Variants in ADGRB3 observed in about 807,000 individuals in gnomAD.
ADGRB3 encodes the protein brain-specific angiogenesis inhibitor 3.
Under a neutral mutation model 193.4 loss-of-function variants are expected in ADGRB3, and 37 were observed. The observed-to-expected ratio is 0.19, with a 90% confidence interval of 0.15 to 0.25. ADGRB3 has a LOEUF of 0.25. Ranked by LOEUF, ADGRB3 falls within the 10% of genes least tolerant of loss-of-function variation. ADGRB3 has a pLI of 1.00. For missense variants in ADGRB3, 1,637 were observed against 1,852.9 expected, an observed-to-expected ratio of 0.88 and a Z score of 2.14; for synonymous variants, 690 against 644.2, an observed-to-expected ratio of 1.07 and a Z score of -1.08.
At chr6:68,845,891 G>A (rs997002274) in intron 3 of ADGRB3, among the ~76,000 whole-genome samples, 2 of 152,164 alleles carry the variant, frequency 1.3e-5, no homozygotes, top group Admixed American at 6.5e-5. Flanking sequence ...CTTTGGAACT[G>A]GGTAACAGGA....
At chr6:68,823,238 T>C (rs1767779552) in intron 3 of ADGRB3, among the ~76,000 whole-genome samples, 1 of 151,988 alleles carries the variant, frequency 6.6e-6, no homozygotes, top group African/African-American at 2.4e-5. Context: ...GTAGGAACAC[T>C]TGTCATACTT....
intron 3 of ADGRB3, among the ~76,000 whole-genome samples, chr6:68,827,601 C>G (rs1002345909): frequency 1.3e-5 from 2 of 151,440 alleles, no homozygotes; most frequent in East Asian, 3.9e-4. Context: ...AGTGGAGGAG[C>G]TAGTCTTTGT....
At chr6:68,857,424 G>A (rs1765019422) in intron 3 of ADGRB3, among the ~76,000 whole-genome samples, 1 of 152,162 alleles carries the variant, frequency 6.6e-6, no homozygotes, top group African/African-American at 2.4e-5. Flanking sequence ...CCTGCCTCTT[G>A]CATCAGTTTG....
intron 3 of ADGRB3, among the ~76,000 whole-genome samples, chr6:68,774,821 A>T (rs1766706832): frequency 6.6e-6 from 1 of 152,116 alleles, no homozygotes; most frequent in Non-Finnish European, 1.5e-5. Flanking sequence ...AGATTCTATC[A>T]ATAAGTCTAT....
chr6:68,792,269 C>T, intron 3 of ADGRB3, among the ~76,000 whole-genome samples: 1 of 152,166 alleles, frequency 6.6e-6, no homozygotes, highest in Admixed American at 6.6e-5. Context: ...GTGTCTTCCT[C>T]ACTGAGGAAC....
intron 3 of ADGRB3, among the ~76,000 whole-genome samples, chr6:68,847,090 A>G (rs1768292626): frequency 6.6e-6 from 1 of 152,092 alleles, no homozygotes; most frequent in Non-Finnish European, 1.5e-5. Flanking sequence ...AGACTGTCCC[A>G]CTGGATTTCT....
At chr6:68,984,992 G>A (rs542550102) in intron 10 of ADGRB3, among the ~76,000 whole-genome samples, 5 of 151,970 alleles carry the variant, frequency 3.3e-5, no homozygotes, top group Non-Finnish European at 5.9e-5. Flanking sequence ...GAGATGAAAA[G>A]GTATAAAACA....
At chr6:69,310,881 T>G (rs566415779) in intron 20 of ADGRB3, among the ~76,000 whole-genome samples, 2 of 151,838 alleles carry the variant, frequency 1.3e-5, no homozygotes, top group South Asian at 2.1e-4. Flanking sequence ...AAAAATGTAT[T>G]TATAGTCATT....
At chr6:68,959,682 T>G (rs1768178841) in intron 8 of ADGRB3, among the ~76,000 whole-genome samples, 1 of 152,128 alleles carries the variant, frequency 6.6e-6, no homozygotes, top group Non-Finnish European at 1.5e-5. Context: ...GTAGATAGAT[T>G]AAATAAAAGT....
At chr6:68,938,440 GTATATATA>G (rs59120080) in intron 5 of ADGRB3, among the ~76,000 whole-genome samples, 30,324 of 144,384 alleles carry the variant, frequency 0.21, 3,538 homozygotes, top group African/African-American at 0.31. Context: ...ATATTTTGAG[GTATATATA>G]TATATATATA....
At chr6:69,139,750 A>G (rs1391670211) in intron 17 of ADGRB3, among the ~76,000 whole-genome samples, 2 of 152,226 alleles carry the variant, frequency 1.3e-5, no homozygotes, top group Non-Finnish European at 2.9e-5. Flanking sequence ...CCCAACCAGT[A>G]AGTGGGAAAT....
At chr6:69,004,221 T>G (rs1368964695) in intron 11 of ADGRB3, among the ~76,000 whole-genome samples, 6 of 152,110 alleles carry the variant, frequency 3.9e-5, no homozygotes, top group Admixed American at 2.0e-4. Flanking sequence ...CAACAAACAT[T>G]TATTTTCTCA....
intron 6 of ADGRB3, among the ~76,000 whole-genome samples, chr6:68,944,619 A>G (rs1343496012): frequency 1.3e-5 from 2 of 152,028 alleles, no homozygotes; most frequent in African/African-American, 2.4e-5. Flanking sequence ...ATTCTATTTT[A>G]TCTATCCTTG....
intron 17 of ADGRB3, among the ~76,000 whole-genome samples, chr6:69,204,139 G>A (rs1318790253): frequency 6.6e-6 from 1 of 152,090 alleles, no homozygotes; most frequent in Non-Finnish European, 1.5e-5. Context: ...TTAACTTAAA[G>A]TTTCAAAGCC....
chr6:68,872,769 A>T (rs1217632995), intron 3 of ADGRB3, among the ~76,000 whole-genome samples: 1 of 152,104 alleles, frequency 6.6e-6, no homozygotes, highest in African/African-American at 2.4e-5. Context: ...TGTAACCCTA[A>T]ATAAGACTTC....
intron 22 of ADGRB3, among the ~76,000 whole-genome samples, chr6:69,328,292 A>G (rs928295457): frequency 6.6e-6 from 1 of 152,154 alleles, no homozygotes; most frequent in African/African-American, 2.4e-5. Flanking sequence ...ATGTTAGTTC[A>G]AGTTTTCTTG....
chr6:68,914,311 C>T (rs1307546846), intron 3 of ADGRB3, among the ~76,000 whole-genome samples: 1 of 152,038 alleles, frequency 6.6e-6, no homozygotes, highest in African/African-American at 2.4e-5. Flanking sequence ...GGGTTACCCA[C>T]AAAGGGAAGC....
chr6:69,167,382 A>G (rs528331328), intron 17 of ADGRB3, among the ~76,000 whole-genome samples: 1 of 152,254 alleles, frequency 6.6e-6, no homozygotes, highest in South Asian at 2.1e-4. Context: ...TAGAAGGAAC[A>G]CATTTCAGGG....
chr6:69,076,590 AT>A (rs1433985639), intron 17 of ADGRB3, among the ~76,000 whole-genome samples: 1 of 147,300 alleles, frequency 6.8e-6, no homozygotes, highest in Non-Finnish European at 1.6e-5. Context: ...CTTCCATGTT[AT>A]TTTTTTGTTT....
Sources: allele counts gnomAD v4.1 joint callset (sites outside exome capture counted in the v4.1 genomes callset), GRCh38; gene constraint gnomAD v4.1.1; transcripts MANE v1.5; gene names NCBI Gene and HGNC (gene_info 2026-07-23, HGNC 2026-07-21).